The following JAM3 variants were observed in gnomAD, a reference collection of about 807,000 sequenced individuals.
JAM3 encodes junctional adhesion molecule C.
A neutral mutation model predicts 39.4 loss-of-function variants in JAM3; 31 were observed. The observed-to-expected ratio is 0.79, with a 90% CI of 0.59 to 1.06. The LOEUF is 1.06. JAM3 is among the 50% of genes least tolerant of loss of function. The pLI, the probability that JAM3 is intolerant of heterozygous loss-of-function variation, is 0.00. For synonymous variants in JAM3, 182 were observed against 148.7 expected, an observed-to-expected ratio of 1.22 and a Z score of -1.63; for missense variants, 455 against 391.4, an observed-to-expected ratio of 1.16 and a Z score of -1.37.
At chr11:134,122,537 C>T (rs9804672) in intron 1 of JAM3, among the ~76,000 whole-genome samples, 23,079 of 152,164 alleles carry the variant, frequency 0.15, 1,904 homozygotes, top group African/African-American at 0.22. Context: ...ACAGTCCCTG[C>T]GCTACTCACT....
At chr11:134,083,150 G>C (rs756024173) in intron 1 of JAM3, among the ~76,000 whole-genome samples, 1 of 152,176 alleles carries the variant, frequency 6.6e-6, no homozygotes, top group Non-Finnish European at 1.5e-5. Flanking sequence ...GCTTACTTCT[G>C]TGATTTTCAC....
chr11:134,139,899 T>C lies in JAM3; in HGVS notation c.125T>C (p.Val42Ala). The C allele has an allele frequency of 6.2e-7, 1 of 1,613,704 alleles. No individual in the cohort carries two copies. Among genetic ancestry groups the C allele is most frequent in the Non-Finnish European group, 8.5e-7 (1 of 1,179,658 alleles). ...VNLKSSNRTPVVQEFESVELS... is the reference protein window; with the variant it reads ...VNLKSSNRTPAVQEFESVELS... ...CTCAAATCCAGCAATCGAACCCCAG[T>C]GGTACAGGAATTTGAAAGTAAGTAC... Residue 42 changes from valine (V) to alanine (A), a missense_variant, in exon 2 of 9, where the codon GTG becomes GCG. Transcript: ENST00000299106.
intron 1 of JAM3, among the ~76,000 whole-genome samples, chr11:134,086,949 G>A (rs928397320): frequency 6.6e-6 from 1 of 151,954 alleles, no homozygotes; most frequent in Non-Finnish European, 1.5e-5. Context: ...GGACCACAGG[G>A]ATGTACCACC....
chr11:134,113,195 TCTGG>T (rs745993494), intron 1 of JAM3, among the ~76,000 whole-genome samples: 3 of 131,260 alleles, frequency 2.3e-5, no homozygotes, highest in Non-Finnish European at 3.1e-5. Context: ...GACTGGACTG[TCTGG>T]TTTTTTTTTT....
intron 1 of JAM3, 73 bp downstream of exon 1, chr11:134,069,232 T>C: frequency 6.4e-7 from 1 of 1,553,454 alleles, no homozygotes; most frequent in Non-Finnish European, 8.7e-7. Flanking sequence ...CCGAAGCTGC[T>C]GGAGCCGGTC....
chr11:134,121,224 G>T (rs1024572890), intron 1 of JAM3, among the ~76,000 whole-genome samples: 1 of 152,216 alleles, frequency 6.6e-6, no homozygotes, highest in Non-Finnish European at 1.5e-5. Flanking sequence ...CATATAACTT[G>T]TCTGGCATCA....
intron 1 of JAM3, among the ~76,000 whole-genome samples, chr11:134,110,341 C>G (rs886650307): frequency 6.6e-6 from 1 of 152,106 alleles, no homozygotes; most frequent in African/African-American, 2.4e-5. Context: ...TATGTTTATA[C>G]AAAGATTTGT....
rs565066151 is a variant in JAM3, at chr11:134,113,195, TC to T, written c.77-26655del. On this transcript the variant is annotated intron_variant, in intron 1 of 8. Transcript: ENST00000299106. ...CAATGTGGGTTCTGGGACTGGACTG[TC>T]TGGTTTTTTTTTTTTTTAATACTTT... Among the ~76,000 whole-genome samples, 955 of 131,342 alleles carry T rather than the reference TC, an allele frequency of 7.3e-3. 2 individuals carry two copies. The highest frequency in any genetic ancestry group is 0.011 in the Non-Finnish European group (731 of 63,674). The allele number at this position is 131,342 out of a possible 152,430, so 86.2% of individuals were successfully genotyped here. A position where few individuals can be genotyped will look rare whatever the true frequency, so the allele number is the denominator to read the frequency against.
At chr11:134,113,194 G>A (rs997904395) in intron 1 of JAM3, among the ~76,000 whole-genome samples, 138 of 132,262 alleles carry the variant, frequency 1.0e-3, no homozygotes, top group Non-Finnish European at 3.5e-4. Flanking sequence ...GGACTGGACT[G>A]TCTGGTTTTT....
intron 1 of JAM3, among the ~76,000 whole-genome samples, chr11:134,121,774 T>C (rs1942536500): frequency 6.6e-6 from 1 of 152,008 alleles, no homozygotes; most frequent in South Asian, 2.1e-4. Context: ...GTAATTTTCC[T>C]AACTTGGGCA....
intron 1 of JAM3, among the ~76,000 whole-genome samples, chr11:134,098,537 G>C (rs1422756678): frequency 2.0e-5 from 3 of 152,056 alleles, no homozygotes; most frequent in African/African-American, 7.2e-5. Context: ...TTAGTGTCGG[G>C]GCAAGTATAG....
In JAM3 at chr11:134,151,769, T is replaced by C. The variant is rs1302533744; in HGVS notation, c.*2588T>C. 2 of 152,190 alleles carry C rather than the reference T, an allele frequency of 1.3e-5. No individual in the cohort carries two copies. The highest frequency in any genetic ancestry group is 1.3e-4 in the Admixed American group (2 of 15,290). 9.4% of individuals were successfully genotyped at this position (152,190 alleles called of 1,614,324 possible). ...AAAAACCCAAACATTGCTTCATTCT[T>C]TGTTATTTGCTCTTACGTTGGGTTT... On this transcript the variant is annotated 3_prime_UTR_variant, in exon 9 of 9. Coordinates refer to ENST00000299106, the MANE Select transcript of JAM3 (RefSeq NM_032801.5).
intron 6 of JAM3, chr11:134,148,316 A>G (rs1943116907): frequency 3.4e-6 from 2 of 585,450 alleles, no homozygotes; most frequent in Non-Finnish European, 6.1e-6. Context: ...GTGCGACTGC[A>G]TTTCAACTGT....
At chr11:134,136,051 CAA>C (rs1942859625) in intron 1 of JAM3, among the ~76,000 whole-genome samples, 2 of 151,948 alleles carry the variant, frequency 1.3e-5, no homozygotes, top group South Asian at 2.1e-4. Flanking sequence ...GCCTGGGTGA[CAA>C]GAGTGAAACT....
chr11:134,109,596 C>A (rs968020012), intron 1 of JAM3, among the ~76,000 whole-genome samples: 1 of 152,176 alleles, frequency 6.6e-6, no homozygotes, highest in South Asian at 2.1e-4. Flanking sequence ...AGGTTAAGGA[C>A]ATGCCCGGAA....
rs760188908 is a variant in JAM3, at chr11:134,148,622, TCTG to T, written c.792_794del (p.Cys265del). On this transcript the variant is annotated inframe_deletion, in exon 7 of 9. Coordinates refer to ENST00000299106, the MANE Select transcript of JAM3 (RefSeq NM_032801.5). ...GTACTGGCCCTGATCACGTTGGGCA[TCTG>T]CTGTGCATACAGACGTGGCTACTTC... 1.9e-6 allele frequency: 3 copies of T among 1,614,176 alleles called. No homozygotes were observed. Among genetic ancestry groups the T allele is most frequent in the Non-Finnish European group, 1.7e-6 (2 of 1,180,022 alleles).
At chr11:134,147,633 C>A (rs1392807214) in intron 6 of JAM3, among the ~76,000 whole-genome samples, 1 of 151,696 alleles carries the variant, frequency 6.6e-6, no homozygotes. Flanking sequence ...ACTACAGGCA[C>A]CTGCCAACAC....
intron 1 of JAM3, among the ~76,000 whole-genome samples, chr11:134,107,604 A>G (rs917057086): frequency 2.4e-4 from 36 of 152,200 alleles, no homozygotes; most frequent in Admixed American, 2.4e-3. Flanking sequence ...TGAAAGACCT[A>G]TATTCGAAAA....
chr11:134,069,112 G>T lies in JAM3; in HGVS notation c.29G>T (p.Arg10Leu). The T allele has an allele frequency of 6.2e-7, 1 of 1,612,386 alleles. No homozygotes were observed. The change falls in exon 1 of 9, where the codon CGG becomes CTG. Residue 10 changes from arginine to leucine, a missense_variant. Coordinates refer to ENST00000299106, the MANE Select transcript of JAM3 (RefSeq NM_032801.5). The stretch of plus-strand genomic sequence containing the variant: ...GCGCTGAGGCGGCCACCGCGACTCC[G>T]GCTCTGCGCTCGGCTGCCTGACTTC... MALRRPPRLRLCARLPDFFL... is the reference protein window; with the variant it reads MALRRPPRLLLCARLPDFFL...
Sources: allele counts gnomAD v4.1 joint callset (sites outside exome capture counted in the v4.1 genomes callset), GRCh38; gene constraint gnomAD v4.1.1; transcripts MANE v1.5; gene names NCBI Gene and HGNC (gene_info 2026-07-23, HGNC 2026-07-21).